The following TNRC6B variants were observed in gnomAD, a reference collection of about 807,000 sequenced individuals.
TNRC6B encodes the protein trinucleotide repeat-containing gene 6B protein.
In TNRC6B, 52 loss-of-function variants were observed where a neutral mutation model predicts 203.6. That is an observed-to-expected ratio of 0.26 (90% CI 0.20 to 0.32). The LOEUF (loss-of-function observed/expected upper bound fraction) is 0.32, where lower values mean the gene tolerates loss of function less well. Ranked by LOEUF, TNRC6B falls within the 10% of genes least tolerant of loss-of-function variation. TNRC6B has a pLI of 1.00. For synonymous variants in TNRC6B, 838 were observed against 845.7 expected, an observed-to-expected ratio of 0.99 and a Z score of 0.16; for missense variants, 1,923 against 2,286.2, an observed-to-expected ratio of 0.84 and a Z score of 3.24.
At chr22:40,063,821 A>G (rs919251880) in intron 1 of TNRC6B, among the ~76,000 whole-genome samples, 2 of 151,814 alleles carry the variant, frequency 1.3e-5, no homozygotes, top group Non-Finnish European at 2.9e-5. Context: ...TTCTGCTTCA[A>G]CCTCCTGAGT....
At chr22:40,092,575 C>T (rs1352617543) in intron 1 of TNRC6B, among the ~76,000 whole-genome samples, 1 of 152,096 alleles carries the variant, frequency 6.6e-6, no homozygotes, top group Non-Finnish European at 1.5e-5. Flanking sequence ...GTGGTGAAAT[C>T]ATAGTTCACT....
intron 4 of TNRC6B, among the ~76,000 whole-genome samples, chr22:40,166,267 G>A (rs1266779900): frequency 6.6e-6 from 1 of 152,096 alleles, no homozygotes; most frequent in Non-Finnish European, 1.5e-5. Context: ...AGGTTCAAAA[G>A]TGAATATTTA....
At chr22:40,114,646 C>T (rs944651120) in intron 1 of TNRC6B, among the ~76,000 whole-genome samples, 7 of 152,088 alleles carry the variant, frequency 4.6e-5, no homozygotes, top group East Asian at 1.9e-4. Context: ...TTCTTGCAGC[C>T]GGCTTGCAGT....
chr22:40,104,583 T>TCC (rs896787520), intron 1 of TNRC6B, among the ~76,000 whole-genome samples: 18 of 152,160 alleles, frequency 1.2e-4, no homozygotes, highest in African/African-American at 3.6e-4. Flanking sequence ...TGTGAAAGAT[T>TCC]TAGTCTCTGC....
chr22:40,321,844 G>A (rs1031190790), intron 22 of TNRC6B: 6 of 152,366 alleles, frequency 3.9e-5, no homozygotes, highest in African/African-American at 1.4e-4. Context: ...ATAGAATCTA[G>A]CTGCTTACTC....
At position 40,266,810 on chromosome 22, in the gene TNRC6B, C is replaced by T. The variant is rs199545151; in HGVS notation, c.2580C>T (p.Ser860=). The T allele has an allele frequency of 4.9e-5, 79 of 1,613,546 alleles. No homozygotes were observed. The East Asian group carries it at 1.5e-3, about 31-fold the overall frequency. The change falls in exon 5 of 23, where the codon AGC becomes AGT. Residue 860 remains serine (S), a synonymous_variant. Coordinates refer to ENST00000454349, the MANE Select transcript of TNRC6B (RefSeq NM_001162501.2). The part of the protein sequence containing the change: ...NVRPSNSSWS[S]GPQPATPKDE... ...GACCTTCCAATTCCAGCTGGAGCAGCGGGCCACAGCCTGCAACACCTAAGG... is the reference window on the plus strand; with the variant it reads ...GACCTTCCAATTCCAGCTGGAGCAGTGGGCCACAGCCTGCAACACCTAAGG...
At chr22:40,047,632 T>G (rs1489965113) in intron 1 of TNRC6B, among the ~76,000 whole-genome samples, 1 of 152,140 alleles carries the variant, frequency 6.6e-6, no homozygotes, top group African/African-American at 2.4e-5. Context: ...TACATTAAGC[T>G]CATTCTTGGC....
chr22:40,331,479 A>G lies in TNRC6B; in HGVS notation c.*8238A>G, dbSNP rs1302277300. 1.4e-5 allele frequency: 5 copies of G among 361,492 alleles called. No homozygotes were observed. The highest frequency in any genetic ancestry group is 2.5e-5 in the Non-Finnish European group (5 of 201,256). 22.4% of individuals were successfully genotyped at this position (361,492 alleles called of 1,614,324 possible). ...TCCATGATTCCTCAGAGCTCCCCCA[A>G]AGAGGAGAACAGTCCCTCCCACTCG... On this transcript the variant is annotated 3_prime_UTR_variant, in exon 23 of 23. Transcript: ENST00000454349.
intron 3 of TNRC6B, among the ~76,000 whole-genome samples, chr22:40,145,087 A>AT (rs1160221317): frequency 3.6e-5 from 5 of 138,308 alleles, no homozygotes; most frequent in East Asian, 2.1e-4. Flanking sequence ...AAAAAAAAAA[A>AT]TTTTTTTAAT....
intron 3 of TNRC6B, among the ~76,000 whole-genome samples, chr22:40,141,887 G>A (rs2068647354): frequency 6.6e-6 from 1 of 151,394 alleles, no homozygotes; most frequent in Admixed American, 6.6e-5. Flanking sequence ...CCATTCTCCT[G>A]CCTCAGCCTC....
At chr22:40,241,981 T>C (rs1041851470) in intron 1 of TNRC6B, among the ~76,000 whole-genome samples, 6 of 152,234 alleles carry the variant, frequency 3.9e-5, no homozygotes, top group Admixed American at 1.3e-4. Flanking sequence ...GAGCACTCTT[T>C]TGCTTCTTGG....
chr22:40,163,548 A>G (rs1360508543), intron 4 of TNRC6B, among the ~76,000 whole-genome samples: 1 of 144,816 alleles, frequency 6.9e-6, no homozygotes, highest in East Asian at 2.1e-4. Flanking sequence ...AGATCACCTG[A>G]GGTCAGGAGT....
chr22:40,274,834 C>CAGTAGT (rs1273546532), intron 7 of TNRC6B, among the ~76,000 whole-genome samples: 3 of 152,178 alleles, frequency 2.0e-5, no homozygotes, highest in Non-Finnish European at 4.4e-5. Flanking sequence ...CAATCTAGAA[C>CAGTAGT]AGTAGTCTTT....
At chr22:40,108,440 C>A (rs1027318815) in intron 1 of TNRC6B, among the ~76,000 whole-genome samples, 3 of 152,206 alleles carry the variant, frequency 2.0e-5, no homozygotes, top group Admixed American at 6.5e-5. Flanking sequence ...TCCTTCTTGC[C>A]CAGCTCTTGC....
chr22:40,138,085 C>A (rs1285605497), intron 3 of TNRC6B, among the ~76,000 whole-genome samples: 1 of 151,888 alleles, frequency 6.6e-6, no homozygotes, highest in Admixed American at 6.6e-5. Flanking sequence ...GTTAGGAGTC[C>A]CCTCAGGAAG....
intron 1 of TNRC6B, among the ~76,000 whole-genome samples, chr22:40,183,192 G>A (rs928250894): frequency 1.3e-5 from 2 of 152,140 alleles, no homozygotes; most frequent in Non-Finnish European, 2.9e-5. Context: ...TTGTTGCGAC[G>A]CATAAAGGAA....
chr22:40,072,994 A>T (rs2067966079), intron 1 of TNRC6B, among the ~76,000 whole-genome samples: 1 of 152,028 alleles, frequency 6.6e-6, no homozygotes, highest in Non-Finnish European at 1.5e-5. Flanking sequence ...TTCCTTTCAA[A>T]TGAGGGCACA....
chr22:40,308,969 GATC>G (rs1672056402), intron 16 of TNRC6B, among the ~76,000 whole-genome samples: 1 of 152,218 alleles, frequency 6.6e-6, no homozygotes, highest in East Asian at 1.9e-4. Context: ...CGGAGCAAGG[GATC>G]ATAACAATAC....
At chr22:40,236,142 TGC>T (rs2069944531) in intron 1 of TNRC6B, among the ~76,000 whole-genome samples, 1 of 152,208 alleles carries the variant, frequency 6.6e-6, no homozygotes, top group Non-Finnish European at 1.5e-5. Flanking sequence ...TGTATTTAAT[TGC>T]CTATGTGTTT....
Sources: gnomAD v4.1 joint callset for allele counts (sites outside exome capture counted in the v4.1 genomes callset) on GRCh38, gnomAD v4.1.1 for gene constraint, MANE v1.5 for transcripts, NCBI Gene and HGNC (gene_info 2026-07-23, HGNC 2026-07-21) for gene names.